BMP6: variants seen among roughly 807,000 people sequenced by gnomAD.
BMP6 encodes bone morphogenetic protein 6, also known as VG-1-R.
BMP6 carries 17 observed loss-of-function variants against 54.1 expected under a neutral mutation model. That is an observed-to-expected ratio of 0.31 (90% CI 0.22 to 0.47). The LOEUF (loss-of-function observed/expected upper bound fraction) is 0.47, where lower values mean the gene tolerates loss of function less well. Ranked by LOEUF, BMP6 falls within the 20% of genes least tolerant of loss-of-function variation. The pLI, the probability that BMP6 is intolerant of heterozygous loss-of-function variation, is 1.00. For synonymous variants in BMP6, 328 were observed against 291.2 expected (o/e 1.13, Z -1.28); for missense variants, 720 against 690.4 (o/e 1.04, Z -0.48).
chr6:7,776,053 T>C (rs1283612808), intron 1 of BMP6, among the ~76,000 whole-genome samples: 1 of 152,242 alleles, frequency 6.6e-6, no homozygotes, highest in Non-Finnish European at 1.5e-5. Context: ...TTTTCTTTAA[T>C]TAAAACAACT....
At chr6:7,755,292 A>AT (rs895433615) in intron 1 of BMP6, among the ~76,000 whole-genome samples, 1 of 151,084 alleles carries the variant, frequency 6.6e-6, no homozygotes, top group South Asian at 2.1e-4. Context: ...TGGATTGTGT[A>AT]TTTTTTGTGA....
chr6:7,860,206 A>G (rs1283884002), intron 2 of BMP6, among the ~76,000 whole-genome samples: 1 of 152,234 alleles, frequency 6.6e-6, no homozygotes, highest in African/African-American at 2.4e-5. Flanking sequence ...CCTGGCTTTT[A>G]GGATTGGTGT....
chr6:7,862,561 G>C (rs2113278324), intron 4 of BMP6, 63 bp downstream of exon 4: 2 of 1,589,470 alleles, frequency 1.3e-6, no homozygotes, highest in Admixed American at 1.7e-5. Context: ...AACAAAAGTT[G>C]TGTCCACAGT....
At chr6:7,827,770 G>A (rs1017828301) in intron 1 of BMP6, among the ~76,000 whole-genome samples, 1 of 152,304 alleles carries the variant, frequency 6.6e-6, no homozygotes, top group Non-Finnish European at 1.5e-5. Context: ...ATAAGTGCAT[G>A]CCACAAATCT....
At chr6:7,865,549 G>A (rs1759408734) in intron 4 of BMP6, among the ~76,000 whole-genome samples, 1 of 152,146 alleles carries the variant, frequency 6.6e-6, no homozygotes, top group African/African-American at 2.4e-5. Flanking sequence ...GACATGCTGA[G>A]GAAGAGATTC....
chr6:7,861,485 G>A lies in BMP6; in HGVS notation c.892G>A (p.Val298Ile), dbSNP rs748216126. ...CCTGTTTTTGTTGGACACCCGTGTAGTATGGGCCTCAGAAGAAGGCTGGCT... is the reference window on the plus strand; with the variant it reads ...CCTGTTTTTGTTGGACACCCGTGTAATATGGGCCTCAGAAGAAGGCTGGCT... Reference protein sequence around the residue: ...SDLFLLDTRVVWASEEGWLEF... With the variant: ...SDLFLLDTRVIWASEEGWLEF... The change falls in exon 3 of 7, where the codon GTA becomes ATA. Residue 298 changes from valine to isoleucine, a missense_variant. This residue lies in a region of BMP6 where 650 missense variants were observed against 556.3 expected (regional missense o/e 1.17). Transcript: ENST00000283147. The A allele has an allele frequency of 6.2e-7, 1 of 1,614,082 alleles. No homozygotes were observed. Among genetic ancestry groups the A allele is most frequent in the East Asian group, 2.2e-5 (1 of 44,902 alleles).
intron 1 of BMP6, among the ~76,000 whole-genome samples, chr6:7,768,208 C>A (rs941517652): frequency 6.6e-6 from 1 of 152,118 alleles, no homozygotes; most frequent in South Asian, 2.1e-4. Context: ...CCTTTCCTCT[C>A]CCACTGTGAA....
intron 1 of BMP6, among the ~76,000 whole-genome samples, chr6:7,757,732 T>C (rs141704664): frequency 3.9e-4 from 60 of 152,352 alleles, no homozygotes; most frequent in African/African-American, 1.3e-3. Flanking sequence ...CTGCTCTCCC[T>C]ACGTCTCTGC....
chr6:7,804,058 ATG>A (rs1231026100), intron 1 of BMP6, among the ~76,000 whole-genome samples: 2 of 152,210 alleles, frequency 1.3e-5, no homozygotes, highest in East Asian at 3.8e-4. Context: ...AAAATGCTAA[ATG>A]AGAGGAAAAT....
At chr6:7,829,793 C>T (rs1207633002) in intron 1 of BMP6, among the ~76,000 whole-genome samples, 1 of 152,154 alleles carries the variant, frequency 6.6e-6, no homozygotes, top group Non-Finnish European at 1.5e-5. Flanking sequence ...CCTCCCGCCT[C>T]TTCATATGTA....
chr6:7,837,652 G>C (rs1758894650), intron 1 of BMP6, among the ~76,000 whole-genome samples: 1 of 152,030 alleles, frequency 6.6e-6, no homozygotes, highest in Admixed American at 6.6e-5. Context: ...GAAGACTGAG[G>C]GGGGCTTAGG....
At chr6:7,874,629 A>C (rs1349463112) in intron 4 of BMP6, among the ~76,000 whole-genome samples, 1 of 151,912 alleles carries the variant, frequency 6.6e-6, no homozygotes, top group Non-Finnish European at 1.5e-5. Flanking sequence ...TGTGATGTAC[A>C]CCCAGCTACT....
intron 1 of BMP6, among the ~76,000 whole-genome samples, chr6:7,778,602 C>T (rs879292158): frequency 2.0e-5 from 3 of 152,110 alleles, no homozygotes; most frequent in Admixed American, 6.5e-5. Flanking sequence ...TTTCAAAAAC[C>T]GAGGCACAGG....
At chr6:7,772,818 A>G (rs913306770) in intron 1 of BMP6, among the ~76,000 whole-genome samples, 3 of 152,068 alleles carry the variant, frequency 2.0e-5, no homozygotes, top group African/African-American at 4.8e-5. Flanking sequence ...CAGGTGACAG[A>G]TTCCCCTCCC....
At chr6:7,767,547 C>T (rs1268220910) in intron 1 of BMP6, among the ~76,000 whole-genome samples, 1 of 152,224 alleles carries the variant, frequency 6.6e-6, no homozygotes, top group Non-Finnish European at 1.5e-5. Flanking sequence ...TCTCAGGAAA[C>T]CTAGTTCTCA....
chr6:7,781,966 G>T lies in BMP6; in HGVS notation c.664+54347G>T, dbSNP rs1261585022. ...AGCAACTGTGGTGAGGATGGTAGGGGCTGCCTTGATCACACTTGGAAGGGA... is the reference window on the plus strand; with the variant it reads ...AGCAACTGTGGTGAGGATGGTAGGGTCTGCCTTGATCACACTTGGAAGGGA... On this transcript the variant is annotated intron_variant, in intron 1 of 6. Transcript: ENST00000283147. Among the ~76,000 whole-genome samples, 3 of 151,504 alleles carry T rather than the reference G, an allele frequency of 2.0e-5. No individual in the cohort carries two copies. The East Asian group carries it at 5.8e-4, about 29-fold the overall frequency.
chr6:7,727,060 G>GGCC lies in BMP6; in HGVS notation c.116_118dup (p.Ala39dup). Reference sequence around the variant, plus strand: ...TGCGGCCGCCCTTGCCCGCTGCCGCGGCCGCCGCCGCCGGGGGGCAGCTGC... The same window carrying GGCC: ...TGCGGCCGCCCTTGCCCGCTGCCGCGGCCGCCGCCGCCGCCGGGGGGCAGCTGC... On this transcript the variant is annotated inframe_insertion, in exon 1 of 7. Transcript: ENST00000283147. The GGCC allele has an allele frequency of 2.2e-5, 27 of 1,200,126 alleles. No individual in the cohort carries two copies. Among genetic ancestry groups the GGCC allele is most frequent in the Non-Finnish European group, 2.6e-5 (25 of 968,500 alleles). The allele number at this position is 1,200,126 out of a possible 1,614,324, so 74.3% of individuals were successfully genotyped here. A position where few individuals can be genotyped will look rare whatever the true frequency, so the allele number is the denominator to read the frequency against.
chr6:7,811,507 T>C (rs1758435607), intron 1 of BMP6, among the ~76,000 whole-genome samples: 1 of 152,224 alleles, frequency 6.6e-6, no homozygotes, highest in African/African-American at 2.4e-5. Flanking sequence ...GGCAAATGTA[T>C]GTTCCCGGAG....
intron 1 of BMP6, among the ~76,000 whole-genome samples, chr6:7,821,991 A>G (rs1235048814): frequency 2.0e-5 from 3 of 151,868 alleles, no homozygotes; most frequent in African/African-American, 7.3e-5. Flanking sequence ...GAAACCATCA[A>G]CTGACTGCAC....
Sources: allele counts gnomAD v4.1 joint callset (sites outside exome capture counted in the v4.1 genomes callset), GRCh38; gene constraint gnomAD v4.1.1; regional missense constraint gnomAD v4.1.1; transcripts MANE v1.5; gene names NCBI Gene and HGNC (gene_info 2026-07-23, HGNC 2026-07-21).